Variants in CSMD1 observed in about 807,000 individuals in gnomAD.
CSMD1 encodes the protein CUB and sushi domain-containing protein 1.
CSMD1 carries 213 observed loss-of-function variants against 417.5 expected under a neutral mutation model. The ratio of observed to expected loss-of-function variants is 0.51; its 90% CI spans 0.46 to 0.57. The LOEUF (loss-of-function observed/expected upper bound fraction) is 0.57. CSMD1 is among the 20% of genes least tolerant of loss of function. CSMD1 has a pLI of 0.00. For synonymous variants in CSMD1, 2,862 were observed against 1,736.8 expected (o/e 1.65, Z -16.11); for missense variants, 6,923 against 4,529.7 (o/e 1.53, Z -15.17).
intron 18 of CSMD1, among the ~76,000 whole-genome samples, chr8:3,379,798 G>A (rs1478512157): frequency 6.6e-6 from 1 of 152,106 alleles, no homozygotes; most frequent in East Asian, 1.9e-4. Context: ...AAAAACCCTA[G>A]AAGAAAACAT....
chr8:3,191,441 T>C (rs1481954515), intron 33 of CSMD1, among the ~76,000 whole-genome samples: 3 of 151,940 alleles, frequency 2.0e-5, no homozygotes, highest in African/African-American at 7.3e-5. Context: ...GGGTGAAAGA[T>C]TGAGAAAAAA....
intron 5 of CSMD1, among the ~76,000 whole-genome samples, chr8:3,832,965 T>A (rs114066348): frequency 1.1e-4 from 16 of 152,270 alleles, no homozygotes; most frequent in Admixed American, 9.2e-4. Flanking sequence ...TGAATATCAA[T>A]AATTGAGAAA....
chr8:3,309,572 C>T (rs778296619), intron 23 of CSMD1, among the ~76,000 whole-genome samples: 46 of 142,274 alleles, frequency 3.2e-4, no homozygotes, highest in Non-Finnish European at 5.9e-4. Flanking sequence ...GAAAGACAGT[C>T]TTACAGTAAC....
intron 7 of CSMD1, among the ~76,000 whole-genome samples, chr8:3,694,661 G>A (rs1167920725): frequency 6.6e-6 from 1 of 151,984 alleles, no homozygotes; most frequent in Non-Finnish European, 1.5e-5. Context: ...CACAGCAGTG[G>A]AGGAGGTGCT....
chr8:4,806,964 AT>A (rs1798625116), intron 1 of CSMD1, among the ~76,000 whole-genome samples: 1 of 152,200 alleles, frequency 6.6e-6, no homozygotes, highest in African/African-American at 2.4e-5. Flanking sequence ...TCTATGTGGC[AT>A]TTTGATTTTT....
At chr8:4,892,515 TG>T (rs1446027096) in intron 1 of CSMD1, among the ~76,000 whole-genome samples, 1 of 152,118 alleles carries the variant, frequency 6.6e-6, no homozygotes, top group Non-Finnish European at 1.5e-5. Context: ...CAAAGACACC[TG>T]GGCTAATAAG....
At chr8:4,020,079 T>A (rs1227244454) in intron 4 of CSMD1, among the ~76,000 whole-genome samples, 1 of 152,172 alleles carries the variant, frequency 6.6e-6, no homozygotes, top group African/African-American at 2.4e-5. Context: ...AGACAGTAAT[T>A]ATAGCAGCTG....
At chr8:3,817,100 G>C (rs1467117471) in intron 5 of CSMD1, among the ~76,000 whole-genome samples, 1 of 151,970 alleles carries the variant, frequency 6.6e-6, no homozygotes, top group Non-Finnish European at 1.5e-5. Flanking sequence ...CTGGGAAAGA[G>C]AAATGAAGAT....
intron 1 of CSMD1, among the ~76,000 whole-genome samples, chr8:4,927,248 G>A (rs373457182): frequency 1.9e-4 from 29 of 151,892 alleles, no homozygotes; most frequent in Non-Finnish European, 8.8e-5. Context: ...AGTAGAGACA[G>A]GGTTTCACCA....
intron 2 of CSMD1, among the ~76,000 whole-genome samples, chr8:4,585,605 G>C (rs536140866): frequency 8.5e-4 from 129 of 152,050 alleles, no homozygotes; most frequent in Middle Eastern, 6.8e-3. Flanking sequence ...ATTACAAAGA[G>C]AAAAATTTTA....
chr8:3,567,672 C>T (rs955453043), intron 10 of CSMD1, among the ~76,000 whole-genome samples: 5 of 152,068 alleles, frequency 3.3e-5, no homozygotes, highest in African/African-American at 9.7e-5. Context: ...TATTCCCAAG[C>T]AATGCAACTG....
chr8:3,292,989 G>A (rs889551459), intron 25 of CSMD1, among the ~76,000 whole-genome samples: 14 of 151,898 alleles, frequency 9.2e-5, no homozygotes, highest in Non-Finnish European at 1.9e-4. Context: ...CATGTTTAGT[G>A]CTTCCTTCAG....
chr8:3,133,180 C>T (rs1040435896), intron 41 of CSMD1, among the ~76,000 whole-genome samples: 1 of 152,200 alleles, frequency 6.6e-6, no homozygotes, highest in Non-Finnish European at 1.5e-5. Context: ...CGACCTGGGG[C>T]CCCTTCTTGG....
chr8:3,654,012 C>G (rs974062139), intron 7 of CSMD1, among the ~76,000 whole-genome samples: 1 of 152,098 alleles, frequency 6.6e-6, no homozygotes, highest in Non-Finnish European at 1.5e-5. Context: ...ATGTGAAAAG[C>G]AAATGTCACT....
intron 7 of CSMD1, among the ~76,000 whole-genome samples, chr8:3,699,753 C>T (rs995155933): frequency 3.3e-5 from 5 of 152,106 alleles, no homozygotes; most frequent in Non-Finnish European, 7.4e-5. Flanking sequence ...CTGGATGCTC[C>T]GCAACGAGGG....
intron 12 of CSMD1, among the ~76,000 whole-genome samples, chr8:3,427,516 A>G (rs1813930293): frequency 6.6e-6 from 1 of 152,182 alleles, no homozygotes; most frequent in Admixed American, 6.6e-5. Flanking sequence ...TTTAATAAGG[A>G]TGAAGTAAAA....
intron 1 of CSMD1, among the ~76,000 whole-genome samples, chr8:4,912,103 C>CTAGTGCT (rs1292851567): frequency 4.0e-5 from 4 of 99,450 alleles, no homozygotes; most frequent in Non-Finnish European, 8.2e-5. Context: ...CTGTACTTTT[C>CTAGTGCT]TAGTGCTCAA....
intron 3 of CSMD1, among the ~76,000 whole-genome samples, chr8:4,234,922 T>A (rs567831093): frequency 6.6e-6 from 1 of 152,194 alleles, no homozygotes; most frequent in African/African-American, 2.4e-5. Context: ...TGTTGTCTGT[T>A]GTAACTGATG....
chr8:4,582,269 C>G (rs1005665438), intron 2 of CSMD1, among the ~76,000 whole-genome samples: 1 of 152,162 alleles, frequency 6.6e-6, no homozygotes, highest in Non-Finnish European at 1.5e-5. Flanking sequence ...TGGTCCCGGA[C>G]ATGATCTTCC....
Sources: gnomAD v4.1 joint callset for allele counts (sites outside exome capture counted in the v4.1 genomes callset) on GRCh38, gnomAD v4.1.1 for gene constraint, MANE v1.5 for transcripts, NCBI Gene and HGNC (gene_info 2026-07-23, HGNC 2026-07-21) for gene names.